VPS41: variants seen among roughly 807,000 people sequenced by gnomAD.
VPS41 encodes VPS41 subunit of HOPS complex, also known as vacuolar protein sorting-associated protein 41 homolog.
A neutral mutation model predicts 130.9 loss-of-function variants in VPS41; 85 were observed. The ratio of observed to expected loss-of-function variants is 0.65; its 90% CI spans 0.55 to 0.78. The LOEUF (loss-of-function observed/expected upper bound fraction) is 0.78, where lower values mean the gene tolerates loss of function less well. Ranked by LOEUF, VPS41 falls within the 30% of genes least tolerant of loss-of-function variation. The probability of loss-of-function intolerance (pLI) is 0.00; values close to 1 mark genes in which losing one functional copy is unlikely to be tolerated. For missense variants in VPS41, 874 were observed against 1,018.7 expected (o/e 0.86, Z 1.93); for synonymous variants, 335 against 332.9 (o/e 1.01, Z -0.07).
intron 7 of VPS41, among the ~76,000 whole-genome samples, chr7:38,814,921 G>A (rs1371496069): frequency 6.6e-6 from 1 of 152,140 alleles, no homozygotes; most frequent in Non-Finnish European, 1.5e-5. Flanking sequence ...TATTAAGAAG[G>A]CAGCAGACAT....
In VPS41 at chr7:38,774,227, G is replaced by A. The variant is rs773193378; in HGVS notation, c.900C>T (p.Ala300=). 3 of 1,594,500 alleles carry A rather than the reference G, an allele frequency of 1.9e-6. No individual in the cohort carries two copies. Among genetic ancestry groups the A allele is most frequent in the Non-Finnish European group, 2.6e-6 (3 of 1,168,100 alleles). ...GCTGGATGATGTCCAGTCTAGGCCT[G>A]GCACAGTATTCTCTTTCCTAGTGGG... is the stretch of plus-strand genomic sequence containing the variant. ...ISEKTEREYC[A]RPRLDIIQPL... Residue 300 remains alanine (A), a synonymous_variant, in exon 12 of 29, where the codon GCC becomes GCT. Coordinates refer to ENST00000310301, the MANE Select transcript of VPS41 (RefSeq NM_014396.4).
chr7:38,743,593 T>A (rs1425182368), intron 23 of VPS41, 51 bp from the exon 24 acceptor site: 3 of 1,584,462 alleles, frequency 1.9e-6, no homozygotes, highest in East Asian at 2.3e-5. Context: ...ATTTTAATAA[T>A]TTTTTTAAAG....
At chr7:38,895,142 C>T (rs532898621) in intron 2 of VPS41, among the ~76,000 whole-genome samples, 2 of 152,176 alleles carry the variant, frequency 1.3e-5, no homozygotes, top group South Asian at 4.1e-4. Flanking sequence ...GCCAACATGG[C>T]AAAACCCCAT....
chr7:38,897,087 G>A lies in VPS41; in HGVS notation c.60+1004C>T, dbSNP rs528144525. On this transcript the variant is annotated intron_variant, in intron 2 of 28. Transcript: ENST00000310301. ...TGGGCGCCTGTAATCCCAGCTACTC[G>A]GGAGGCTGAGGCTGGAGAATCACTT... Among the ~76,000 whole-genome samples the A allele has an allele frequency of 1.2e-4, 18 of 150,276 alleles. 1 individual carries two copies. In the South Asian group the frequency reaches 1.5e-3, roughly 12 times the overall value.
intron 2 of VPS41, among the ~76,000 whole-genome samples, chr7:38,869,824 A>C (rs961270068): frequency 1.3e-5 from 2 of 152,172 alleles, no homozygotes; most frequent in African/African-American, 4.8e-5. Context: ...GAGTCAAAAA[A>C]CCATTCAAAC....
intron 2 of VPS41, among the ~76,000 whole-genome samples, chr7:38,886,062 G>A (rs1465401963): frequency 2.0e-5 from 3 of 151,970 alleles, no homozygotes; most frequent in Middle Eastern, 3.4e-3. Context: ...GAACAGCTCC[G>A]GTCTACAGCT....
At chr7:38,863,520 TA>T (rs754666828) in intron 3 of VPS41, among the ~76,000 whole-genome samples, 4 of 152,218 alleles carry the variant, frequency 2.6e-5, no homozygotes, top group Non-Finnish European at 5.9e-5. Flanking sequence ...AGTCAAGATT[TA>T]AAAGGATTTA....
At chr7:38,862,247 G>A (rs1786130978) in intron 4 of VPS41, among the ~76,000 whole-genome samples, 1 of 152,100 alleles carries the variant, frequency 6.6e-6, no homozygotes, top group South Asian at 2.1e-4. Context: ...CCAAATAGAT[G>A]ACTATAATTA....
chr7:38,785,437 A>G (rs768394463), intron 10 of VPS41, among the ~76,000 whole-genome samples: 9 of 152,254 alleles, frequency 5.9e-5, no homozygotes, highest in Non-Finnish European at 7.3e-5. Flanking sequence ...TGCTGAAAAC[A>G]AATTTAGTTT....
intron 5 of VPS41, among the ~76,000 whole-genome samples, chr7:38,822,926 A>G (rs1785205130): frequency 6.6e-6 from 1 of 152,202 alleles, no homozygotes; most frequent in African/African-American, 2.4e-5. Context: ...TACTAGAGCC[A>G]ATGAGAACTA....
At chr7:38,905,092 T>C (rs1787228544) in intron 1 of VPS41, among the ~76,000 whole-genome samples, 2 of 152,320 alleles carry the variant, frequency 1.3e-5, no homozygotes, top group Non-Finnish European at 2.9e-5. Flanking sequence ...TTTGACAATT[T>C]GAAATGCTAT....
intron 7 of VPS41, among the ~76,000 whole-genome samples, chr7:38,799,134 C>T (rs1366861455): frequency 1.3e-5 from 2 of 152,124 alleles, no homozygotes; most frequent in Non-Finnish European, 1.5e-5. Flanking sequence ...TGACAAAAGG[C>T]AGGCACCTAT....
intron 19 of VPS41, among the ~76,000 whole-genome samples, chr7:38,755,659 G>C (rs918197093): frequency 2.0e-5 from 3 of 152,114 alleles, no homozygotes; most frequent in African/African-American, 7.2e-5. Flanking sequence ...TGTTGGAGTA[G>C]ATTATCCCTA....
At chr7:38,783,565 T>C (rs904531288) in intron 10 of VPS41, among the ~76,000 whole-genome samples, 6 of 151,714 alleles carry the variant, frequency 4.0e-5, no homozygotes, top group Non-Finnish European at 7.4e-5. Context: ...AAATACCACA[T>C]GCTATGTGCA....
intron 10 of VPS41, among the ~76,000 whole-genome samples, chr7:38,785,028 A>C (rs1784415491): frequency 6.6e-6 from 1 of 152,218 alleles, no homozygotes; most frequent in Non-Finnish European, 1.5e-5. Flanking sequence ...AAGAACAATT[A>C]CCCTTCATTG....
At position 38,871,634 on chromosome 7, in the gene VPS41, C is replaced by T. The variant is rs180779713; in HGVS notation, c.61-2381G>A. Among the ~76,000 whole-genome samples the T allele has an allele frequency of 6.9e-4, 105 of 152,252 alleles. 1 individual carries two copies. The highest frequency in any genetic ancestry group is 2.4e-3 in the African/African-American group (98 of 41,554). On this transcript the variant is annotated intron_variant, in intron 2 of 28. Coordinates refer to ENST00000310301, the MANE Select transcript of VPS41 (RefSeq NM_014396.4). ...AGCTATGAGTGCTCTAAAGTCAATACCTTCTATAACACACTCCAAAATCTC... is the reference window on the plus strand; with the variant it reads ...AGCTATGAGTGCTCTAAAGTCAATATCTTCTATAACACACTCCAAAATCTC...
chr7:38,747,134 C>A (rs1796001468), intron 22 of VPS41, among the ~76,000 whole-genome samples: 1 of 152,134 alleles, frequency 6.6e-6, no homozygotes, highest in Non-Finnish European at 1.5e-5. Flanking sequence ...CCTATATGGT[C>A]TTGCCTGTCA....
chr7:38,729,207 C>A (rs1795609505), intron 25 of VPS41, among the ~76,000 whole-genome samples: 2 of 152,184 alleles, frequency 1.3e-5, no homozygotes, highest in Admixed American at 6.5e-5. Flanking sequence ...GAATGAAAAC[C>A]TGCTATTCCA....
At chr7:38,746,574 G>A (rs1795989086) in intron 22 of VPS41, among the ~76,000 whole-genome samples, 2 of 152,056 alleles carry the variant, frequency 1.3e-5, no homozygotes, top group African/African-American at 2.4e-5. Flanking sequence ...GTGTACAGAG[G>A]AGGGACACTG....
Sources: allele counts gnomAD v4.1 joint callset (sites outside exome capture counted in the v4.1 genomes callset), GRCh38; gene constraint gnomAD v4.1.1; transcripts MANE v1.5; gene names NCBI Gene and HGNC (gene_info 2026-07-23, HGNC 2026-07-21).